Variants in TNR observed in about 807,000 individuals in gnomAD.
The protein encoded by TNR is tenascin R.
A neutral mutation model predicts 150.4 loss-of-function variants in TNR; 45 were observed. The observed-to-expected ratio is 0.30, with a 90% CI of 0.24 to 0.38. The LOEUF is 0.38. Ranked by LOEUF, TNR falls within the 10% of genes least tolerant of loss-of-function variation. The pLI is 1.00. For missense variants in TNR, 1,544 were observed against 1,759.1 expected, an observed-to-expected ratio of 0.88 and a Z score of 2.19; for synonymous variants, 687 against 678.4, an observed-to-expected ratio of 1.01 and a Z score of -0.20.
intron 2 of TNR, among the ~76,000 whole-genome samples, chr1:175,463,978 C>G (rs1203481842): frequency 6.6e-6 from 1 of 152,206 alleles, no homozygotes; most frequent in African/African-American, 2.4e-5. Context: ...TCTGTTTTAA[C>G]CTCAGCATTC....
intron 2 of TNR, among the ~76,000 whole-genome samples, chr1:175,477,752 A>G (rs1346955572): frequency 2.6e-5 from 4 of 152,256 alleles, no homozygotes; most frequent in Admixed American, 1.3e-4. Flanking sequence ...ACGGAGGCAC[A>G]CATGTACAAC....
At chr1:175,660,958 G>A (rs1168763318) in intron 1 of TNR, among the ~76,000 whole-genome samples, 5 of 152,204 alleles carry the variant, frequency 3.3e-5, no homozygotes, top group African/African-American at 9.7e-5. Context: ...TGGCATTAAT[G>A]TCTGGCACCC....
intron 2 of TNR, among the ~76,000 whole-genome samples, chr1:175,508,908 C>A (rs1317449146): frequency 2.0e-5 from 3 of 152,190 alleles, no homozygotes; most frequent in Admixed American, 2.0e-4. Context: ...GTACTTCTCC[C>A]TTCTGACTCC....
At chr1:175,675,871 T>C (rs1359023853) in intron 1 of TNR, among the ~76,000 whole-genome samples, 1 of 152,098 alleles carries the variant, frequency 6.6e-6, no homozygotes, top group Non-Finnish European at 1.5e-5. Context: ...TGGTGTTCTG[T>C]GACTCTAGGC....
At chr1:175,650,948 T>C (rs952206147) in intron 1 of TNR, among the ~76,000 whole-genome samples, 1 of 5,176 alleles carries the variant, frequency 1.9e-4, no homozygotes. Context: ...CCCCTCCCCA[T>C]CTCATTACTC....
At chr1:175,533,209 G>A (rs56321051) in intron 1 of TNR, among the ~76,000 whole-genome samples, 6,076 of 152,264 alleles carry the variant, frequency 0.04, 247 homozygotes, top group African/African-American at 0.098. Context: ...GGAATTTACT[G>A]AATCCCTCTA....
At chr1:175,425,076 G>C (rs1654913660) in intron 2 of TNR, among the ~76,000 whole-genome samples, 1 of 152,124 alleles carries the variant, frequency 6.6e-6, no homozygotes, top group South Asian at 2.1e-4. Flanking sequence ...CAGATTTGTG[G>C]ATGCTATTTT....
At chr1:175,580,111 G>T (rs1004000363) in intron 1 of TNR, among the ~76,000 whole-genome samples, 2 of 152,220 alleles carry the variant, frequency 1.3e-5, no homozygotes, top group Admixed American at 1.3e-4. Flanking sequence ...GGGGAGAAAA[G>T]TGGGGAGGTG....
intron 18 of TNR, among the ~76,000 whole-genome samples, chr1:175,339,681 T>A (rs1351944069): frequency 2.6e-5 from 4 of 152,250 alleles, no homozygotes; most frequent in Non-Finnish European, 5.9e-5. Context: ...TCCTAAGGTA[T>A]GCACTAATAG....
intron 2 of TNR, among the ~76,000 whole-genome samples, chr1:175,469,978 AATG>A (rs1657212373): frequency 1.3e-5 from 2 of 152,122 alleles, no homozygotes; most frequent in African/African-American, 4.8e-5. Context: ...GAAAACATGT[AATG>A]ATGATCACTT....
Position 175,431,068 on chromosome 1 carries a change from A to C in TNR, c.-63-24291T>G, listed in dbSNP as rs2629481. 2.7e-3 allele frequency among the ~76,000 whole-genome samples: 406 copies of C among 152,260 alleles called. 2 individuals carry two copies. Among genetic ancestry groups the C allele is most frequent in the African/African-American group, 9.1e-3 (380 of 41,560 alleles). On this transcript the variant is annotated intron_variant, in intron 2 of 22. Transcript: ENST00000367674. The stretch of plus-strand genomic sequence containing the variant: ...TAACAGTACCTATTCCAGGGACGGA[A>C]TCTTTCACGGCTCCACACAGGGCCC...
intron 2 of TNR, among the ~76,000 whole-genome samples, chr1:175,411,874 T>C (rs1307635033): frequency 1.3e-5 from 2 of 152,112 alleles, no homozygotes; most frequent in Non-Finnish European, 2.9e-5. Context: ...CAAATACTAG[T>C]AGTAATTGGG....
intron 2 of TNR, among the ~76,000 whole-genome samples, chr1:175,491,345 T>G (rs1390126037): frequency 1.3e-5 from 2 of 152,136 alleles, no homozygotes; most frequent in Non-Finnish European, 2.9e-5. Flanking sequence ...AACAAACTTG[T>G]GCACCTAACA....
At chr1:175,437,010 C>T (rs1361667571) in intron 2 of TNR, among the ~76,000 whole-genome samples, 1 of 152,172 alleles carries the variant, frequency 6.6e-6, no homozygotes, top group East Asian at 1.9e-4. Context: ...TTGAACTCAG[C>T]TCTGCACCAA....
At chr1:175,468,760 T>C (rs1657145415) in intron 2 of TNR, among the ~76,000 whole-genome samples, 1 of 152,146 alleles carries the variant, frequency 6.6e-6, no homozygotes, top group Non-Finnish European at 1.5e-5. Context: ...TGCTTCAGTG[T>C]GGCTGGAGCC....
rs1663153814 is a variant in TNR, at chr1:175,599,605, C to A, written c.-164-71236G>T. On this transcript the variant is annotated intron_variant, in intron 1 of 22. Transcript: ENST00000367674. The surrounding 1 kb of genome is among the most constrained non-coding windows in gnomAD (Gnocchi z 4.7). ...TGGGGCCGGCCCACCCGGAGGCAGC[C>A]CGGAGCAGCGTCGCCCCAGCAGGCT... Among the ~76,000 whole-genome samples the A allele has an allele frequency of 6.6e-6, 1 of 152,140 alleles. No homozygotes were observed. The highest frequency in any genetic ancestry group is 2.4e-5 in the African/African-American group (1 of 41,426).
intron 1 of TNR, among the ~76,000 whole-genome samples, chr1:175,723,343 T>C (rs899137613): frequency 7.2e-5 from 11 of 152,162 alleles, no homozygotes; most frequent in Non-Finnish European, 1.2e-4. Flanking sequence ...AGGACTTTCA[T>C]AGGAGCTCAG....
chr1:175,355,750 A>T, intron 16 of TNR, 117 bp from the exon 17 acceptor site: 1 of 1,417,180 alleles, frequency 7.1e-7, no homozygotes. Flanking sequence ...TCACATGCTG[A>T]CCCCTGCTCT....
intron 1 of TNR, among the ~76,000 whole-genome samples, chr1:175,590,121 G>C (rs545544246): frequency 1.8e-4 from 27 of 152,230 alleles, no homozygotes; most frequent in African/African-American, 6.0e-4. Flanking sequence ...ATAGTTAATA[G>C]TATTGTATTA....
Sources: allele counts gnomAD v4.1 joint callset (sites outside exome capture counted in the v4.1 genomes callset), GRCh38; gene constraint gnomAD v4.1.1; non-coding constraint Gnocchi (gnomAD v3.1); transcripts MANE v1.5; gene names NCBI Gene and HGNC (gene_info 2026-07-23, HGNC 2026-07-21).